NPR2: variants seen among roughly 807,000 people sequenced by gnomAD.
NPR2 encodes the protein atrial natriuretic peptide receptor 2.
In NPR2, 49 loss-of-function variants were observed where a neutral mutation model predicts 120.7. The observed-to-expected ratio is 0.41, with a 90% CI of 0.32 to 0.52. NPR2 has a LOEUF of 0.52. Ranked by LOEUF, NPR2 falls within the 20% of genes least tolerant of loss-of-function variation. The pLI is 0.36. For missense variants in NPR2, 931 were observed against 1,362.9 expected, an observed-to-expected ratio of 0.68 and a Z score of 4.99; for synonymous variants, 484 against 519.8, an observed-to-expected ratio of 0.93 and a Z score of 0.94.
At chr9:35,798,242 T>C (rs1316859639) in intron 2 of NPR2, among the ~76,000 whole-genome samples, 1 of 152,226 alleles carries the variant, frequency 6.6e-6, no homozygotes, top group African/African-American at 2.4e-5. Context: ...CTCGCCCTTT[T>C]CCTGACTTTT....
At position 35,800,321 on chromosome 9, in the gene NPR2, T is replaced by C; in HGVS notation, c.1124-68T>C. 2.0e-6 allele frequency: 3 copies of C among 1,480,784 alleles called. No individual in the cohort carries two copies. Among genetic ancestry groups the C allele is most frequent in the African/African-American group, 2.8e-5 (2 of 72,348 alleles). The allele number at this position is 1,480,784 out of a possible 1,614,324, so 91.7% of individuals were successfully genotyped here. On this transcript the variant is annotated intron_variant, in intron 4 of 21. Transcript: ENST00000342694. The surrounding 1 kb of genome is among the most constrained non-coding windows in gnomAD (Gnocchi z 4.7). ...GGAAGGGTAGACTCTGAGGGAGCCGTAGGCATGAGTGAGTGGGAGAGGAGC... is the reference window on the plus strand; with the variant it reads ...GGAAGGGTAGACTCTGAGGGAGCCGCAGGCATGAGTGAGTGGGAGAGGAGC...
At chr9:35,804,715 G>A (rs1281472512) in intron 12 of NPR2, among the ~76,000 whole-genome samples, 2 of 151,532 alleles carry the variant, frequency 1.3e-5, no homozygotes, top group East Asian at 1.9e-4. Context: ...CCTCTACCCC[G>A]ACTTGCCCAC....
At chr9:35,798,878 CAT>C (rs1343994908) in intron 2 of NPR2, among the ~76,000 whole-genome samples, 3 of 152,234 alleles carry the variant, frequency 2.0e-5, no homozygotes, top group Admixed American at 6.5e-5. Flanking sequence ...TCTGAGATCA[CAT>C]GTGTCATTTG....
At position 35,800,455 on chromosome 9, in the gene NPR2, T is replaced by C; in HGVS notation, c.1190T>C (p.Met397Thr). The change falls in exon 5 of 22, where the codon ATG (methionine) becomes ACG (threonine). Residue 397 changes from methionine to threonine, a missense_variant. Met to Thr is a moderately conservative substitution (Grantham distance 81). Coordinates refer to ENST00000342694, the MANE Select transcript of NPR2 (RefSeq NM_003995.4). This position sits in a 1 kb window ranked among gnomAD's most constrained non-coding sequence, Gnocchi z 4.7. ...GAGACTGACTTTGTCCTCTGGGCCA[T>C]GGGAGACCTGGATTCTGGGGACTTT... ...DRETDFVLWA[M>T]GDLDSGDFQP... The C allele has an allele frequency of 6.2e-7, 1 of 1,613,948 alleles. No individual in the cohort carries two copies. The highest frequency in any genetic ancestry group is 8.5e-7 in the Non-Finnish European group (1 of 1,179,882).
In NPR2 at chr9:35,802,488, G is replaced by T. The variant is rs762535353; in HGVS notation, c.1711-15G>T. 5.3e-6 allele frequency: 8 copies of T among 1,498,136 alleles called. No homozygotes were observed. Among genetic ancestry groups the T allele is most frequent in the Non-Finnish European group, 7.4e-6 (8 of 1,074,498 alleles). 92.8% of individuals were successfully genotyped at this position (1,498,136 alleles called of 1,614,324 possible). ...TTTCAATTTTCTTATCCTTCCCATT[G>T]TTTTTTTCTGCCAGATGAGAGATGT... On this transcript the variant is annotated splice_polypyrimidine_tract_variant and intron_variant, in intron 10 of 21. Coordinates refer to ENST00000342694, the MANE Select transcript of NPR2 (RefSeq NM_003995.4). This position sits in a 1 kb window ranked among gnomAD's most constrained non-coding sequence, Gnocchi z 4.2.
At chr9:35,798,543 C>G (rs944734647) in intron 2 of NPR2, among the ~76,000 whole-genome samples, 2 of 152,210 alleles carry the variant, frequency 1.3e-5, no homozygotes, top group Non-Finnish European at 2.9e-5. Flanking sequence ...TGTGATGTGT[C>G]TAGTGCAGCG....
Position 35,805,615 on chromosome 9 carries a change from C to G in NPR2, c.1992C>G (p.Gly664=), listed in dbSNP as rs767943804. The change falls in exon 13 of 22, where the codon GGC becomes GGG. Residue 664 remains glycine (G), a synonymous_variant. Transcript: ENST00000342694. The surrounding 1 kb of genome is among the most constrained non-coding windows in gnomAD (Gnocchi z 4.9). Reference sequence around the variant, plus strand: ...TTGTGCTCAAAATCACAGACTATGGCCTGGCCAGCTTCCGATCAACTGCTG... The same window carrying G: ...TTGTGCTCAAAATCACAGACTATGGGCTGGCCAGCTTCCGATCAACTGCTG... The part of the protein sequence containing the change: ...SRFVLKITDY[G]LASFRSTAEP... 4 of 1,614,074 alleles carry G rather than the reference C, an allele frequency of 2.5e-6. No homozygotes were observed. Among genetic ancestry groups the G allele is most frequent in the Non-Finnish European group, 3.4e-6 (4 of 1,180,028 alleles).
rs766293488 is a variant in NPR2, at chr9:35,793,018, G to T, written c.610G>T (p.Ala204Ser). The T allele has an allele frequency of 1.2e-6, 2 of 1,609,860 alleles. No individual in the cohort carries two copies. The highest frequency in any genetic ancestry group is 3.3e-5 in the Admixed American group (2 of 59,992). ...SNLSVQHQVY[A>S]REPGGPEQAT... is the part of the protein sequence containing the mutation. ...CCTCAGTGTGCAGCACCAGGTGTAT[G>T]CCCGAGAGCCAGGGGGCCCCGAGCA... The change falls in exon 1 of 22, where the codon GCC (alanine) becomes TCC (serine). Residue 204 changes from alanine (A) to serine (S), a missense_variant. Physicochemically the swap from Ala to Ser is moderately conservative, Grantham distance 99. This residue lies in a region of NPR2 where 681 missense variants were observed against 974.3 expected (regional missense o/e 0.70). Transcript: ENST00000342694.
chr9:35,800,242 C>T lies in NPR2; in HGVS notation c.1123+85C>T, dbSNP rs1828099246. ...GAAGAAACAGATGTCAGGATCACCA[C>T]AGCTTTAGTGGGGGTTAGTGAATAT... On this transcript the variant is annotated intron_variant, in intron 4 of 21. Transcript: ENST00000342694. This position sits in a 1 kb window ranked among gnomAD's most constrained non-coding sequence, Gnocchi z 4.7. 2 of 1,451,590 alleles carry T rather than the reference C, an allele frequency of 1.4e-6. No homozygotes were observed. Among genetic ancestry groups the T allele is most frequent in the Non-Finnish European group, 1.9e-6 (2 of 1,031,868 alleles). The allele number at this position is 1,451,590 out of a possible 1,614,324, so 89.9% of individuals were successfully genotyped here.
chr9:35,809,698 A>C lies in NPR2; in HGVS notation c.*253A>C. 8.1e-7 allele frequency: 1 copy of C among 1,241,812 alleles called. No individual in the cohort carries two copies. Among genetic ancestry groups the C allele is most frequent in the Non-Finnish European group, 1.2e-6 (1 of 863,376 alleles). The allele number at this position is 1,241,812 out of a possible 1,614,324, so 76.9% of individuals were successfully genotyped here. A position where few individuals can be genotyped will look rare whatever the true frequency, so the allele number is the denominator to read the frequency against. ...ATCTAAACCAGAATATTTTGGTCAA[A>C]TATAAAACAATAATAAAAAAAGTTC... On this transcript the variant is annotated 3_prime_UTR_variant, in exon 22 of 22. Transcript: ENST00000342694. This position sits in a 1 kb window ranked among gnomAD's most constrained non-coding sequence, Gnocchi z 4.1.
intron 2 of NPR2, among the ~76,000 whole-genome samples, chr9:35,797,779 A>G (rs1827988729): frequency 6.6e-6 from 1 of 151,936 alleles, no homozygotes; most frequent in Non-Finnish European, 1.5e-5. Flanking sequence ...TACTACAACT[A>G]CAACTAGTAA....
intron 12 of NPR2, among the ~76,000 whole-genome samples, chr9:35,804,050 T>C (rs887496341): frequency 1.6e-4 from 24 of 152,192 alleles, no homozygotes; most frequent in Non-Finnish European, 1.3e-4. Context: ...AAAAGTTTTG[T>C]TGATACCAAA....
intron 3 of NPR2, 90 bp downstream of exon 3, chr9:35,799,821 C>T: frequency 7.1e-7 from 1 of 1,407,462 alleles, no homozygotes; most frequent in East Asian, 2.3e-5. Context: ...GGCTGTGGAG[C>T]AAGCCCAACT....
chr9:35,796,726 G>A (rs867041522), intron 2 of NPR2, among the ~76,000 whole-genome samples: 2 of 152,202 alleles, frequency 1.3e-5, no homozygotes, highest in Non-Finnish European at 2.9e-5. Context: ...CTGATGGGAA[G>A]GTCAAGGCTT....
chr9:35,806,506 G>C lies in NPR2; in HGVS notation c.2487G>C (p.Lys829Asn). ...AGGCCTATCTGGAGGAAAAACGCAA[G>C]GCTGAAGCTCTGCTCTACCAAATCC... ...RTQAYLEEKR[K>N]AEALLYQILP... is the part of the protein sequence containing the mutation. The change falls in exon 16 of 22, where the codon AAG (lysine) becomes AAC (asparagine). Residue 829 changes from lysine to asparagine, a missense_variant. Physicochemically the swap from Lys to Asn is moderately conservative, Grantham distance 94. This residue lies in a region of NPR2 where 184 missense variants were observed against 328.3 expected (regional missense o/e 0.56). Coordinates refer to ENST00000342694, the MANE Select transcript of NPR2 (RefSeq NM_003995.4). The surrounding 1 kb of genome is among the most constrained non-coding windows in gnomAD (Gnocchi z 4.6). 6.2e-7 allele frequency: 1 copy of C among 1,614,204 alleles called. No homozygotes were observed. The highest frequency in any genetic ancestry group is 8.5e-7 in the Non-Finnish European group (1 of 1,180,026).
rs1344772039 is a variant in NPR2, at chr9:35,801,690, G to T, written c.1484G>T (p.Arg495Leu). The T allele has an allele frequency of 6.2e-7, 1 of 1,614,130 alleles. No homozygotes were observed. Among genetic ancestry groups the T allele is most frequent in the Non-Finnish European group, 8.5e-7 (1 of 1,179,976 alleles). The change falls in exon 8 of 22, where the codon CGC becomes CTC. Residue 495 changes from arginine to leucine, a missense_variant. By Grantham distance (102) the Arg-to-Leu change is moderately radical. Transcript: ENST00000342694. ...CTGGCTAGCATGTTGTGGCGTATTC[G>T]CTGGGAAGAACTGCAGTTTGGCAAC... Reference protein sequence around the residue: ...KELASMLWRIRWEELQFGNSE... With the variant: ...KELASMLWRILWEELQFGNSE...
In NPR2 at chr9:35,805,844, G is replaced by T. The variant is rs747789678; in HGVS notation, c.2062G>T (p.Ala688Ser). Residue 688 changes from alanine to serine, a missense_variant, in exon 14 of 22, where the codon GCC (alanine) becomes TCC (serine). Transcript: ENST00000342694. This position sits in a 1 kb window ranked among gnomAD's most constrained non-coding sequence, Gnocchi z 4.9. ...CCTCTTTTCAGAGAAGCTGTGGACT[G>T]CCCCAGAACTGCTCAGTGGGAACCC... is the stretch of plus-strand genomic sequence containing the variant. ...HALYAKKLWTAPELLSGNPLP... is the reference protein window; with the variant it reads ...HALYAKKLWTSPELLSGNPLP... 27 of 1,613,988 alleles carry T rather than the reference G, an allele frequency of 1.7e-5. No individual in the cohort carries two copies. Among genetic ancestry groups the T allele is most frequent in the Non-Finnish European group, 2.3e-5 (27 of 1,179,992 alleles).
Position 35,802,497 on chromosome 9 carries a change from T to C in NPR2, c.1711-6T>C. On this transcript the variant is annotated splice_polypyrimidine_tract_variant and splice_region_variant and intron_variant, in intron 10 of 21. Coordinates refer to ENST00000342694, the MANE Select transcript of NPR2 (RefSeq NM_003995.4). The surrounding 1 kb of genome is among the most constrained non-coding windows in gnomAD (Gnocchi z 4.2). ...TCTTATCCTTCCCATTGTTTTTTTCTGCCAGATGAGAGATGTTCAGTTCAA... is the reference window on the plus strand; with the variant it reads ...TCTTATCCTTCCCATTGTTTTTTTCCGCCAGATGAGAGATGTTCAGTTCAA... 6.4e-7 allele frequency: 1 copy of C among 1,555,892 alleles called. No homozygotes were observed. Among genetic ancestry groups the C allele is most frequent in the Non-Finnish European group, 8.9e-7 (1 of 1,126,922 alleles).
At chr9:35,807,189 T>TA (rs1828444053) in intron 17 of NPR2, 43 bp downstream of exon 17, 7 of 522,072 alleles carry the variant, frequency 1.3e-5, no homozygotes, top group Non-Finnish European at 2.7e-5. Context: ...GTTGGGTGGG[T>TA]AGGGACCTGG....
Sources: allele counts gnomAD v4.1 joint callset (sites outside exome capture counted in the v4.1 genomes callset), GRCh38; gene constraint gnomAD v4.1.1; regional missense constraint gnomAD v4.1.1; non-coding constraint Gnocchi (gnomAD v3.1); transcripts MANE v1.5; gene names NCBI Gene and HGNC (gene_info 2026-07-23, HGNC 2026-07-21).